Variants in CBL observed in about 807,000 individuals in gnomAD.
CBL encodes the protein E3 ubiquitin-protein ligase CBL.
CBL carries 45 observed loss-of-function variants against 96.9 expected under a neutral mutation model. That is an observed-to-expected ratio of 0.46 (90% confidence interval 0.37 to 0.60). The LOEUF is 0.60. Among genes scored for constraint, CBL ranks in the 20% least tolerant of loss-of-function variants. The probability of loss-of-function intolerance (pLI) is 0.00; values close to 1 mark genes in which losing one functional copy is unlikely to be tolerated. For missense variants in CBL, 1,024 were observed against 1,143.5 expected, an observed-to-expected ratio of 0.90 and a Z score of 1.51; for synonymous variants, 420 against 426.8, an observed-to-expected ratio of 0.98 and a Z score of 0.20.
intron 2 of CBL, among the ~76,000 whole-genome samples, chr11:119,249,281 C>T (rs778916816): frequency 3.3e-5 from 5 of 152,116 alleles, no homozygotes; most frequent in African/African-American, 9.7e-5. Flanking sequence ...TTCGACTGGG[C>T]GTGGAGGTTC....
At chr11:119,266,488 A>G (rs539395434) in intron 2 of CBL, among the ~76,000 whole-genome samples, 11 of 152,306 alleles carry the variant, frequency 7.2e-5, no homozygotes, top group African/African-American at 2.6e-4. Flanking sequence ...TATTGGTGAT[A>G]TGTAAATCTT....
chr11:119,246,350 T>G (rs1949631788), intron 2 of CBL, among the ~76,000 whole-genome samples: 1 of 152,166 alleles, frequency 6.6e-6, no homozygotes, highest in South Asian at 2.1e-4. Context: ...TGTTACAGTG[T>G]GATATTTTGG....
At chr11:119,216,172 C>T (rs1949358582) in intron 1 of CBL, among the ~76,000 whole-genome samples, 1 of 152,128 alleles carries the variant, frequency 6.6e-6, no homozygotes, top group Admixed American at 6.6e-5. Flanking sequence ...TCGTGTGTAA[C>T]AGCCTCCACT....
chr11:119,214,448 C>T (rs974576784), intron 1 of CBL, among the ~76,000 whole-genome samples: 1 of 152,094 alleles, frequency 6.6e-6, no homozygotes, highest in East Asian at 1.9e-4. Flanking sequence ...GGGGTTTTAC[C>T]ATGTTGACCG....
chr11:119,287,712 T>C (rs1949994481), intron 11 of CBL, 140 bp from the exon 12 acceptor site: 2 of 697,170 alleles, frequency 2.9e-6, no homozygotes, highest in Non-Finnish European at 5.3e-6. Context: ...CCTAAGCGTT[T>C]GGTCAGATGT....
chr11:119,212,632 AAAT>A (rs1213836035), intron 1 of CBL, among the ~76,000 whole-genome samples: 1 of 152,058 alleles, frequency 6.6e-6, no homozygotes, highest in Non-Finnish European at 1.5e-5. Flanking sequence ...GTCTCAAAAT[AAAT>A]AAATGAATGA....
At chr11:119,288,472 C>CAG (rs1169784191) in intron 12 of CBL, among the ~76,000 whole-genome samples, 65 of 109,072 alleles carry the variant, frequency 6.0e-4, no homozygotes, top group Admixed American at 1.4e-3. Flanking sequence ...AGTGTTTGCA[C>CAG]AGACAGAGAG....
chr11:119,297,082 A>G (rs750702612), intron 13 of CBL, 48 bp downstream of exon 13: 3 of 949,576 alleles, frequency 3.2e-6, no homozygotes, highest in Admixed American at 3.4e-5. Context: ...TATGTGGGTA[A>G]TTGACACCCT....
In CBL at chr11:119,303,290, G is replaced by A. The variant is rs999109316; in HGVS notation, c.*3509G>A. ...CTATAAGTCCCTCTTCTTGCCGTTG[G>A]CCTTTCTGACTCTGGAATGACCACT... On this transcript the variant is annotated 3_prime_UTR_variant, in exon 16 of 16. Transcript: ENST00000264033. The A allele has an allele frequency of 4.3e-6, 1 of 232,842 alleles. No individual in the cohort carries two copies. Among genetic ancestry groups the A allele is most frequent in the Non-Finnish European group, 8.5e-6 (1 of 117,520 alleles). The allele number at this position is 232,842 out of a possible 1,614,324, so 14.4% of individuals were successfully genotyped here. A position where few individuals can be genotyped will look rare whatever the true frequency, so the allele number is the denominator to read the frequency against.
intron 1 of CBL, among the ~76,000 whole-genome samples, chr11:119,232,209 G>A (rs533516114): frequency 9.9e-5 from 15 of 152,250 alleles, no homozygotes; most frequent in Non-Finnish European, 1.9e-4. Flanking sequence ...TGTTTGTTCT[G>A]TGTGTTATCT....
intron 2 of CBL, among the ~76,000 whole-genome samples, chr11:119,267,719 C>T (rs971195528): frequency 2.0e-5 from 3 of 152,154 alleles, no homozygotes; most frequent in Non-Finnish European, 2.9e-5. Context: ...ATATTCACCC[C>T]GAGCCTAGCA....
Position 119,273,972 on chromosome 11 carries a change from G to T in CBL, c.695G>T (p.Cys232Phe). The stretch of plus-strand genomic sequence containing the variant: ...CTGAAATCCACTATTGATCTGACCT[G>T]CAATGATTATATTTCGGTTTTTGAA... ...MALKSTIDLT[C>F]NDYISVFEFD... The change falls in exon 4 of 16, where the codon TGC becomes TTC. Residue 232 changes from cysteine to phenylalanine, a missense_variant. By Grantham distance (205) the Cys-to-Phe change is radical (BLOSUM62 -2). Coordinates refer to ENST00000264033, the MANE Select transcript of CBL (RefSeq NM_005188.4). 1 of 1,613,886 alleles carries T rather than the reference G, an allele frequency of 6.2e-7. No homozygotes were observed. The highest frequency in any genetic ancestry group is 8.5e-7 in the Non-Finnish European group (1 of 1,179,902).
chr11:119,238,774 T>C (rs1592380271), intron 2 of CBL, among the ~76,000 whole-genome samples: 2 of 152,012 alleles, frequency 1.3e-5, no homozygotes, highest in South Asian at 4.2e-4. Context: ...GAGGATGCAG[T>C]GAGCCGAGAT....
Position 119,225,850 on chromosome 11 carries a change from C to T in CBL, c.196-6598C>T, listed in dbSNP as rs190032935. Reference sequence around the variant, plus strand: ...TCAACCGATTCTTCTGCCTCAGCCTCCCGAGTAGCTAGGATTACCGGCATG... The same window carrying T: ...TCAACCGATTCTTCTGCCTCAGCCTTCCGAGTAGCTAGGATTACCGGCATG... On this transcript the variant is annotated intron_variant, in intron 1 of 15. Transcript: ENST00000264033. Among the ~76,000 whole-genome samples, 151 of 151,420 alleles carry T rather than the reference C, an allele frequency of 1.0e-3. 1 individual carries two copies. The highest frequency in any genetic ancestry group is 3.5e-3 in the African/African-American group (144 of 41,296).
intron 1 of CBL, among the ~76,000 whole-genome samples, chr11:119,207,547 C>A (rs541840072): frequency 2.8e-4 from 42 of 152,316 alleles, no homozygotes; most frequent in African/African-American, 1.0e-3. Flanking sequence ...AAAATAACTC[C>A]TTTATATTTA....
intron 12 of CBL, among the ~76,000 whole-genome samples, chr11:119,290,660 TTTTTG>T (rs574242310): frequency 3.3e-5 from 5 of 149,378 alleles, no homozygotes; most frequent in Admixed American, 2.0e-4. Flanking sequence ...ACAGCATCTA[TTTTTG>T]TTTTGTTTTG....
At chr11:119,246,542 C>G (rs1371087450) in intron 2 of CBL, among the ~76,000 whole-genome samples, 1 of 152,158 alleles carries the variant, frequency 6.6e-6, no homozygotes, top group African/African-American at 2.4e-5. Context: ...ACCTCCGCCT[C>G]CTGGGTTCAA....
chr11:119,280,548 A>AT lies in CBL; in HGVS notation c.1431+1843dup, dbSNP rs575755068. On this transcript the variant is annotated intron_variant, in intron 9 of 15. Coordinates refer to ENST00000264033, the MANE Select transcript of CBL (RefSeq NM_005188.4). Reference sequence around the variant, plus strand: ...AGATGTTGTTTGTTGTTTTATTTTGATTTTTTTTAATATACTGAATCTACT... The same window carrying AT: ...AGATGTTGTTTGTTGTTTTATTTTGATTTTTTTTTAATATACTGAATCTACT... Among the ~76,000 whole-genome samples the AT allele has an allele frequency of 4.0e-5, 6 of 151,864 alleles. No homozygotes were observed. In the East Asian group the frequency reaches 7.7e-4, roughly 20 times the overall value.
rs376094293 is a variant in CBL at position 119,285,472 on chromosome 11, A to C, written c.1847A>C (p.Asn616Thr). The change falls in exon 11 of 16, where the codon AAC (asparagine) becomes ACC (threonine). Residue 616 changes from asparagine (N) to threonine (T), a missense_variant. Asn to Thr is a moderately conservative substitution (Grantham distance 65). Coordinates refer to ENST00000264033, the MANE Select transcript of CBL (RefSeq NM_005188.4). ...CCCTGGACAGGAAGAGAATTAACCAACCGGCACTCACTTCCATTTTCATTG... is the reference window on the plus strand; with the variant it reads ...CCCTGGACAGGAAGAGAATTAACCACCCGGCACTCACTTCCATTTTCATTG... ...SDPWTGRELTNRHSLPFSLPS... is the reference protein window; with the variant it reads ...SDPWTGRELTTRHSLPFSLPS... 9 of 1,613,946 alleles carry C rather than the reference A, an allele frequency of 5.6e-6. No individual in the cohort carries two copies. In the African/African-American group the frequency reaches 9.3e-5, roughly 17 times the overall value.
Sources: allele counts gnomAD v4.1 joint callset (sites outside exome capture counted in the v4.1 genomes callset), GRCh38; gene constraint gnomAD v4.1.1; transcripts MANE v1.5; gene names NCBI Gene and HGNC (gene_info 2026-07-23, HGNC 2026-07-21).